MEIS3: variants seen among roughly 807,000 people sequenced by gnomAD.
The protein encoded by MEIS3 is Meis homeobox 3, also known as homeobox protein Meis3.
In MEIS3, 38 loss-of-function variants were observed where a neutral mutation model predicts 51.4. That is an observed-to-expected ratio of 0.74 (90% CI 0.57 to 0.97). MEIS3 has a LOEUF of 0.97. MEIS3 is among the 50% of genes least tolerant of loss of function. The pLI, the probability that MEIS3 is intolerant of heterozygous loss-of-function variation, is 0.00. For missense variants in MEIS3, 456 were observed against 502.6 expected (o/e 0.91, Z 0.89); for synonymous variants, 198 against 201.8 (o/e 0.98, Z 0.16).
rs761939278 is a variant in MEIS3 at position 47,417,356 on chromosome 19, G to A, written c.13-6C>T. The A allele has an allele frequency of 1.2e-6, 2 of 1,613,232 alleles. No homozygotes were observed. The highest frequency in any genetic ancestry group is 1.1e-5 in the South Asian group (1 of 91,030). ...TAGTGCGGCAGCTCATCATACTGGG[G>A]GAAGGTGAGAAGAGAAGGGCGGAGC... On this transcript the variant is annotated splice_region_variant and splice_polypyrimidine_tract_variant and intron_variant, in intron 1 of 12. Coordinates refer to ENST00000558555, the MANE Select transcript of MEIS3 (RefSeq NM_001301059.2).
chr19:47,407,225 G>C (rs1012931591), intron 9 of MEIS3, 88 bp from the exon 10 acceptor site: 2 of 1,496,234 alleles, frequency 1.3e-6, no homozygotes, highest in Non-Finnish European at 1.8e-6. Flanking sequence ...GGAGGACAGC[G>C]GCGGGGGAGG....
At position 47,417,278 on chromosome 19, in the gene MEIS3, G is replaced by C; in HGVS notation, c.85C>G (p.Pro29Ala). ...GGGCCATAGGGCCCTGGTACTGCGG[G>C]CACTGTCTCTGGGAAGCTAGCCAGG... ...AALASFPETV[P>A]AVPGPYGPHR... The change falls in exon 2 of 13, where the codon CCC becomes GCC. Residue 29 changes from proline to alanine, a missense_variant. Coordinates refer to ENST00000558555, the MANE Select transcript of MEIS3 (RefSeq NM_001301059.2). 6.2e-7 allele frequency: 1 copy of C among 1,613,396 alleles called. No individual in the cohort carries two copies. The highest frequency in any genetic ancestry group is 2.2e-5 in the East Asian group (1 of 44,880).
chr19:47,408,812 C>G (rs763532289), intron 8 of MEIS3, among the ~76,000 whole-genome samples: 16 of 152,204 alleles, frequency 1.1e-4, no homozygotes, highest in Admixed American at 5.2e-4. Flanking sequence ...TAGCCCCTCC[C>G]TCCGAGGGTA....
chr19:47,407,508 G>T (rs766122473), intron 8 of MEIS3, 80 bp from the exon 9 acceptor site: 7 of 1,609,724 alleles, frequency 4.3e-6, no homozygotes, highest in Non-Finnish European at 5.9e-6. Flanking sequence ...CCGGGGTCCG[G>T]GGGATGGGGA....
upstream of MEIS3, among the ~76,000 whole-genome samples, chr19:47,420,910 T>TCACACACACACA (rs796578167): frequency 7.8e-4 from 55 of 70,784 alleles, no homozygotes; most frequent in Non-Finnish European, 1.2e-3. Context: ...TCTCTCTCTC[T>TCACACACACACA]CACACACACA....
intron 5 of MEIS3, 28 bp downstream of exon 5, chr19:47,415,023 A>C: frequency 6.8e-7 from 1 of 1,474,434 alleles, no homozygotes; most frequent in Non-Finnish European, 9.1e-7. Context: ...GGGGCAAGTG[A>C]GGGTGTGGGG....
chr19:47,413,496 C>A (rs374918134), intron 6 of MEIS3, among the ~76,000 whole-genome samples: 2 of 151,404 alleles, frequency 1.3e-5, no homozygotes, highest in South Asian at 4.2e-4. Flanking sequence ...AGTGGGTGTG[C>A]GTGTGCTGTG....
Position 47,409,111 on chromosome 19 carries a change from G to A in MEIS3, c.846C>T (p.Phe282=). ...VATNIMRAWL[F]QHLSHPYPSE... ...GCAGGGCTCTCACCGAGAGGTGCTGGAACAACCAGGCTCGCATGATGTTGG... is the reference window on the plus strand; with the variant it reads ...GCAGGGCTCTCACCGAGAGGTGCTGAAACAACCAGGCTCGCATGATGTTGG... The change falls in exon 8 of 13, where the codon TTC becomes TTT. Residue 282 remains phenylalanine (F), a synonymous_variant. Transcript: ENST00000558555. The A allele has an allele frequency of 6.2e-7, 1 of 1,610,498 alleles. No individual in the cohort carries two copies. The highest frequency in any genetic ancestry group is 1.7e-5 in the Admixed American group (1 of 60,000).
At chr19:47,421,152 T>A (rs1161718935), upstream of MEIS3, among the ~76,000 whole-genome samples, 1 of 152,006 alleles carries the variant, frequency 6.6e-6, no homozygotes, top group Non-Finnish European at 1.5e-5. Context: ...GCGTCTTCCC[T>A]GCCCGGCTGA....
chr19:47,421,550 G>A (rs930654058), upstream of MEIS3, among the ~76,000 whole-genome samples: 2 of 152,080 alleles, frequency 1.3e-5, no homozygotes, highest in African/African-American at 2.4e-5. Context: ...ACCGCTCTGT[G>A]TCTGTCTCTC....
At chr19:47,417,813 A>G (rs1011842517) in intron 1 of MEIS3, 7 of 618,824 alleles carry the variant, frequency 1.1e-5, no homozygotes, top group Non-Finnish European at 2.0e-5. Context: ...GTAAGTCTCA[A>G]CAACATGTCA....
At chr19:47,410,073 G>A (rs2122504124) in intron 6 of MEIS3, among the ~76,000 whole-genome samples, 1 of 152,146 alleles carries the variant, frequency 6.6e-6, no homozygotes. Context: ...TTTGGAGGCT[G>A]AGGCAGGCAG....
intron 12 of MEIS3, among the ~76,000 whole-genome samples, chr19:47,403,891 G>A (rs1018543211): frequency 3.9e-5 from 6 of 152,080 alleles, no homozygotes; most frequent in Non-Finnish European, 5.9e-5. Flanking sequence ...AGAAATAGAC[G>A]AAATGGAGAG....
upstream of MEIS3, among the ~76,000 whole-genome samples, chr19:47,422,021 G>A (rs546345700): frequency 6.6e-6 from 1 of 151,538 alleles, no homozygotes; most frequent in South Asian, 2.1e-4. Flanking sequence ...CCCAGCTCCA[G>A]GAGAAGGAAA....
At chr19:47,411,423 C>T (rs1971126009) in intron 6 of MEIS3, among the ~76,000 whole-genome samples, 1 of 152,156 alleles carries the variant, frequency 6.6e-6, no homozygotes, top group South Asian at 2.1e-4. Flanking sequence ...TCAGCTTTTG[C>T]TGCCAAATGA....
chr19:47,420,910 TCA>T (rs796578167), upstream of MEIS3, among the ~76,000 whole-genome samples: 83 of 70,772 alleles, frequency 1.2e-3, no homozygotes, highest in African/African-American at 3.4e-3. Context: ...TCTCTCTCTC[TCA>T]CACACACACA....
intron 12 of MEIS3, among the ~76,000 whole-genome samples, chr19:47,404,015 A>G (rs1970707885): frequency 1.3e-5 from 2 of 152,054 alleles, no homozygotes; most frequent in Non-Finnish European, 1.5e-5. Flanking sequence ...CAGCCTGGGG[A>G]ACAAAGCGAG....
Position 47,409,225 on chromosome 19 carries a change from C to T in MEIS3, c.732G>A (p.Val244=). ...CTTCTCCACCAGAACTGGGAGAGGCCACGCTGGTGTCCAGCCCGTCTCCTG... is the reference window on the plus strand; with the variant it reads ...CTTCTCCACCAGAACTGGGAGAGGCTACGCTGGTGTCCAGCCCGTCTCCTG... ...SDQGDGLDTS[V]ASPSSGGEDE... is the part of the protein sequence containing the mutation. The change falls in exon 8 of 13, where the codon GTG becomes GTA. Residue 244 remains valine (V), a synonymous_variant. Transcript: ENST00000558555. 4 of 1,612,884 alleles carry T rather than the reference C, an allele frequency of 2.5e-6. No individual in the cohort carries two copies. The highest frequency in any genetic ancestry group is 3.4e-6 in the Non-Finnish European group (4 of 1,179,812).
rs1166282323 is a variant in MEIS3 at position 47,419,501 on chromosome 19, A to G, written c.-420T>C. On this transcript the variant is annotated 5_prime_UTR_variant, in exon 1 of 13. Coordinates refer to ENST00000558555, the MANE Select transcript of MEIS3 (RefSeq NM_001301059.2). ...CCGGCGGCGGCTCAGGGGTGCTGGC[A>G]GCCGCGCTCCCCGTTCCCGGTCTCT... is the stretch of plus-strand genomic sequence containing the variant. 1 of 494 alleles carries G rather than the reference A, an allele frequency of 2.0e-3. No individual in the cohort carries two copies. The highest frequency in any genetic ancestry group is 0.014 in the African/African-American group (1 of 72). The allele number at this position is 494 out of a possible 1,614,324, so 0.0% of individuals were successfully genotyped here. A position where few individuals can be genotyped will look rare whatever the true frequency, so the allele number is the denominator to read the frequency against.
Sources: gnomAD v4.1 joint callset for allele counts (sites outside exome capture counted in the v4.1 genomes callset) on GRCh38, gnomAD v4.1.1 for gene constraint, MANE v1.5 for transcripts, NCBI Gene and HGNC (gene_info 2026-07-23, HGNC 2026-07-21) for gene names.